PCDH15: variants seen among roughly 807,000 people sequenced by gnomAD.
The protein encoded by PCDH15 is protocadherin-15.
PCDH15 carries 129 observed loss-of-function variants against 178.5 expected under a neutral mutation model. That is an observed-to-expected ratio of 0.72 (90% CI 0.63 to 0.84). PCDH15 has a LOEUF of 0.84. Among genes scored for constraint, PCDH15 ranks in the 40% least tolerant of loss-of-function variants. PCDH15 has a pLI of 0.00. For missense variants in PCDH15, 2,230 were observed against 2,099.9 expected, an observed-to-expected ratio of 1.06 and a Z score of -1.21; for synonymous variants, 800 against 732.0, an observed-to-expected ratio of 1.09 and a Z score of -1.50.
intron 2 of PCDH15, among the ~76,000 whole-genome samples, chr10:54,538,557 G>A (rs1336390367): frequency 6.6e-6 from 1 of 152,014 alleles, no homozygotes; most frequent in East Asian, 1.9e-4. Context: ...TTTTTGCTTA[G>A]GATTGTGCTT....
At position 55,353,591 on chromosome 10, in the gene PCDH15, ATCTGCTTGGCC is replaced by A. The variant is rs1844999259; in HGVS notation, c.-155-186951_-155-186941del. Among the ~76,000 whole-genome samples, 3 of 152,216 alleles carry A rather than the reference ATCTGCTTGGCC, an allele frequency of 2.0e-5. No individual in the cohort carries two copies. In the South Asian group the frequency reaches 6.2e-4, roughly 32 times the overall value. ...TACAGTATCTCTTTGTCAACTTTAGATCTGCTTGGCCTCACATATTTATCATACCAACAGTT... is the reference window on the plus strand; with the variant it reads ...TACAGTATCTCTTTGTCAACTTTAGATCACATATTTATCATACCAACAGTT... On this transcript the variant is annotated intron_variant, in intron 2 of 5. Coordinates refer to the PCDH15 transcript ENST00000613346.
intron 1 of PCDH15, among the ~76,000 whole-genome samples, chr10:55,246,122 C>T (rs1375408214): frequency 6.6e-6 from 1 of 152,184 alleles, no homozygotes; most frequent in Non-Finnish European, 1.5e-5. Flanking sequence ...CAGCCAGTAG[C>T]TATTCATGGT....
chr10:55,110,701 T>C (rs1837480246), intron 2 of PCDH15, among the ~76,000 whole-genome samples: 1 of 150,688 alleles, frequency 6.6e-6, no homozygotes, highest in Non-Finnish European at 1.5e-5. Context: ...ACAGCCTAAC[T>C]AAAATATAAT....
intron 20 of PCDH15, among the ~76,000 whole-genome samples, chr10:54,019,473 A>G (rs1026720607): frequency 2.6e-5 from 4 of 152,128 alleles, no homozygotes; most frequent in African/African-American, 9.6e-5. Context: ...GAAGGAGTAG[A>G]GAAATCTGAA....
chr10:55,542,556 T>G (rs1447062609), intron 2 of PCDH15, among the ~76,000 whole-genome samples: 4 of 150,636 alleles, frequency 2.7e-5, no homozygotes, highest in Admixed American at 2.6e-4. Flanking sequence ...TCAGTATATG[T>G]GTATATACAC....
chr10:55,539,352 CATT>C (rs1171231419), intron 2 of PCDH15, among the ~76,000 whole-genome samples: 1 of 152,018 alleles, frequency 6.6e-6, no homozygotes, highest in South Asian at 2.1e-4. Context: ...TTATCATCAT[CATT>C]ATCATTATGA....
chr10:54,196,385 G>A (rs530727943), intron 10 of PCDH15, among the ~76,000 whole-genome samples: 2 of 151,802 alleles, frequency 1.3e-5, no homozygotes, highest in African/African-American at 2.4e-5. Context: ...CTCGTGATCC[G>A]CCCGCCTCAG....
At chr10:54,979,921 G>C (rs1398762881) in intron 2 of PCDH15, among the ~76,000 whole-genome samples, 1 of 152,022 alleles carries the variant, frequency 6.6e-6, no homozygotes, top group Non-Finnish European at 1.5e-5. Flanking sequence ...ATATAAAATT[G>C]TAGAATTGCA....
chr10:53,809,325 C>T (rs2075780258), intron 37 of PCDH15: 1 of 1,613,046 alleles, frequency 6.2e-7, no homozygotes, highest in Admixed American at 1.7e-5. Flanking sequence ...TATCTTCTTC[C>T]TCAAGGCGTC....
In PCDH15 at chr10:54,062,227, C is replaced by CAAAAAAAA. The variant is rs72361686; in HGVS notation, c.2220+4522_2220+4529dup. Among the ~76,000 whole-genome samples the CAAAAAAAA allele has an allele frequency of 1.2e-3, 64 of 53,780 alleles. 1 individual carries two copies. Among genetic ancestry groups the CAAAAAAAA allele is most frequent in the African/African-American group, 3.2e-3 (33 of 10,460 alleles). 35.3% of individuals were successfully genotyped at this position (53,780 alleles called of 152,430 possible). On this transcript the variant is annotated intron_variant, in intron 18 of 37. Coordinates refer to ENST00000644397, the MANE Select transcript of PCDH15 (RefSeq NM_001384140.1). Reference sequence around the variant, plus strand: ...GGGTGACAAGAGTGAGATTCTGTCTCAAAAAAAAAAAAAAAAAAAAAAAAA... The same window carrying CAAAAAAAA: ...GGGTGACAAGAGTGAGATTCTGTCTCAAAAAAAAAAAAAAAAAAAAAAAAAAAAAAAAA...
chr10:54,021,469 C>T (rs1022478320), intron 19 of PCDH15, among the ~76,000 whole-genome samples: 12 of 152,080 alleles, frequency 7.9e-5, no homozygotes, highest in African/African-American at 1.9e-4. Context: ...TTTCAATCAA[C>T]GCCATTATCC....
intron 2 of PCDH15, among the ~76,000 whole-genome samples, chr10:54,648,498 G>A (rs17499902): frequency 0.1 from 15,310 of 152,104 alleles, 917 homozygotes; most frequent in Non-Finnish European, 0.13. Context: ...AACAGGGTTG[G>A]GCACCTAGTA....
At chr10:54,658,884 C>T (rs2094449032) in intron 2 of PCDH15, among the ~76,000 whole-genome samples, 2 of 152,096 alleles carry the variant, frequency 1.3e-5, no homozygotes, top group Non-Finnish European at 1.5e-5. Flanking sequence ...CATTTGCTGC[C>T]TTCAAGGGAC....
chr10:53,854,633 C>T (rs2078605855), intron 28 of PCDH15, among the ~76,000 whole-genome samples: 1 of 151,944 alleles, frequency 6.6e-6, no homozygotes, highest in Non-Finnish European at 1.5e-5. Flanking sequence ...CATTCCATTA[C>T]CAAATGCTTA....
At chr10:54,914,614 G>A (rs1223430343) in intron 2 of PCDH15, among the ~76,000 whole-genome samples, 1 of 151,982 alleles carries the variant, frequency 6.6e-6, no homozygotes, top group Admixed American at 6.6e-5. Flanking sequence ...TTTCCACTCT[G>A]GACACTAAGC....
intron 15 of PCDH15, among the ~76,000 whole-genome samples, chr10:54,122,006 C>CAG (rs1274142619): frequency 7.0e-4 from 103 of 147,530 alleles, no homozygotes; most frequent in African/African-American, 2.5e-3. Context: ...GACACATACA[C>CAG]ACACACACAC....
chr10:55,429,929 A>G (rs1838843942), intron 2 of PCDH15, among the ~76,000 whole-genome samples: 1 of 152,188 alleles, frequency 6.6e-6, no homozygotes, highest in African/African-American at 2.4e-5. Flanking sequence ...TTAATTCCCC[A>G]AATCAACCTT....
intron 2 of PCDH15, among the ~76,000 whole-genome samples, chr10:55,581,707 T>TAGACA (rs1460639595): frequency 1.3e-5 from 2 of 152,206 alleles, no homozygotes; most frequent in African/African-American, 4.8e-5. Context: ...AGACATTTAT[T>TAGACA]AGACAACTGT....
At chr10:54,808,070 G>A (rs1351166042) in intron 3 of PCDH15, among the ~76,000 whole-genome samples, 4 of 151,922 alleles carry the variant, frequency 2.6e-5, no homozygotes, top group Admixed American at 1.3e-4. Flanking sequence ...AACATTAGAT[G>A]CATTTATCTA....
Sources: gnomAD v4.1 joint callset for allele counts (sites outside exome capture counted in the v4.1 genomes callset) on GRCh38, gnomAD v4.1.1 for gene constraint, MANE v1.5 for transcripts, NCBI Gene and HGNC (gene_info 2026-07-23, HGNC 2026-07-21) for gene names.